Variants in HCN4 observed in about 807,000 individuals in gnomAD.
HCN4 encodes potassium/sodium hyperpolarization-activated cyclic nucleotide-gated channel 4.
Under a neutral mutation model 76.9 loss-of-function variants are expected in HCN4, and 29 were observed. That is an observed-to-expected ratio of 0.38 (90% CI 0.28 to 0.51). The LOEUF is 0.51. Among genes scored for constraint, HCN4 ranks in the 20% least tolerant of loss-of-function variants. The pLI, the probability that HCN4 is intolerant of heterozygous loss-of-function variation, is 0.90. For synonymous variants in HCN4, 772 were observed against 762.5 expected (o/e 1.01, Z -0.21); for missense variants, 1,416 against 1,715.2 (o/e 0.83, Z 3.08).
chr15:73,337,280 G>A (rs1380349813), intron 2 of HCN4, among the ~76,000 whole-genome samples: 6 of 152,228 alleles, frequency 3.9e-5, no homozygotes, highest in East Asian at 3.8e-4. Flanking sequence ...GCTGCTGCAC[G>A]AGGCAGGGCT....
chr15:73,347,770 GAT>G (rs1406224086), intron 1 of HCN4, among the ~76,000 whole-genome samples: 1 of 152,168 alleles, frequency 6.6e-6, no homozygotes, highest in African/African-American at 2.4e-5. Flanking sequence ...GTCAGGCTCA[GAT>G]ATCCTGGAGT....
Position 73,343,593 on chromosome 15 carries a change from T to C in HCN4, c.1001A>G (p.Lys334Arg). 3 of 1,614,134 alleles carry C rather than the reference T, an allele frequency of 1.9e-6. No homozygotes were observed. The highest frequency in any genetic ancestry group is 2.5e-6 in the Non-Finnish European group (3 of 1,180,036). ...TEIILDPQRIKMKYLKSWFMV... is the reference protein window; with the variant it reads ...TEIILDPQRIRMKYLKSWFMV... ...GAACCAGCTTTTCAGGTACTTCATTTTAATCCGCTGCGGGTCCAGGATGAT... is the reference window on the plus strand; with the variant it reads ...GAACCAGCTTTTCAGGTACTTCATTCTAATCCGCTGCGGGTCCAGGATGAT... The change falls in exon 2 of 8, where the codon AAA becomes AGA. Residue 334 changes from lysine (K) to arginine (R), a missense_variant. Around this residue, in one of 6 missense-constraint regions of HCN4, gnomAD observed 23 missense variants for 19.1 expected, o/e 1.21. Coordinates refer to ENST00000261917, the MANE Select transcript of HCN4 (RefSeq NM_005477.3). The surrounding 1 kb of genome is among the most constrained non-coding windows in gnomAD (Gnocchi z 5.7).
At chr15:73,351,613 A>G (rs1303272953) in intron 1 of HCN4, among the ~76,000 whole-genome samples, 1 of 152,152 alleles carries the variant, frequency 6.6e-6, no homozygotes, top group Non-Finnish European at 1.5e-5. Flanking sequence ...GGACTACTCC[A>G]ACAGCTTCCC....
In HCN4 at chr15:73,322,562, C is replaced by A. The variant is rs375911378; in HGVS notation, c.3531G>T (p.Gly1177=). The A allele has an allele frequency of 1.4e-4, 219 of 1,606,778 alleles. No homozygotes were observed. The highest frequency in any genetic ancestry group is 1.8e-4 in the Non-Finnish European group (208 of 1,176,924). The change falls in exon 8 of 8, where the codon GGG becomes GGT. Residue 1177 remains glycine (G), a synonymous_variant. Transcript: ENST00000261917. ...TCTGGGGTCCAGCAGTCAGAGGGGG[C>A]CCCCCAGAAGAGGTGGCTCTTGCCC... ...LFGARATSSG[G]PPLTAGPQRE... is the part of the protein sequence containing the mutation.
Position 73,323,059 on chromosome 15 carries a change from C to G in HCN4, c.3034G>C (p.Gly1012Arg), listed in dbSNP as rs766728086. ...GTAAAGCCTACAGGGGAAGCCCCCC[C>G]AGAGGCCCCTGCCACAAGGGACGGC... ...EPPSLVAGASGGASPVGFTPR... is the reference protein window; with the variant it reads ...EPPSLVAGASRGASPVGFTPR... The change falls in exon 8 of 8, where the codon GGG becomes CGG. Residue 1012 changes from glycine to arginine, a missense_variant. Physicochemically the swap from Gly to Arg is moderately radical, Grantham distance 125. Transcript: ENST00000261917. 1 of 1,536,684 alleles carries G rather than the reference C, an allele frequency of 6.5e-7. No homozygotes were observed. The highest frequency in any genetic ancestry group is 8.7e-7 in the Non-Finnish European group (1 of 1,147,488).
intron 2 of HCN4, among the ~76,000 whole-genome samples, chr15:73,338,140 G>A (rs935494392): frequency 2.0e-5 from 3 of 152,218 alleles, no homozygotes; most frequent in African/African-American, 4.8e-5. Context: ...TGGTTGCCGA[G>A]AACAAGGCTG....
At chr15:73,366,690 C>T (rs2043129786) in intron 1 of HCN4, among the ~76,000 whole-genome samples, 1 of 152,176 alleles carries the variant, frequency 6.6e-6, no homozygotes, top group African/African-American at 2.4e-5. Context: ...GGCAGTCATA[C>T]CTTGTTTGGG....
At chr15:73,364,909 C>A (rs2043121900) in intron 1 of HCN4, among the ~76,000 whole-genome samples, 2 of 152,270 alleles carry the variant, frequency 1.3e-5, no homozygotes, top group South Asian at 2.1e-4. Flanking sequence ...CTCCAAACCG[C>A]AAACTCAATC....
At chr15:73,341,863 A>C (rs1282037417) in intron 2 of HCN4, among the ~76,000 whole-genome samples, 2 of 152,190 alleles carry the variant, frequency 1.3e-5, no homozygotes, top group Non-Finnish European at 2.9e-5. Flanking sequence ...GACGCCTCTG[A>C]CCATCAGCCA....
chr15:73,336,819 A>G (rs560857081), intron 2 of HCN4, among the ~76,000 whole-genome samples: 33 of 152,148 alleles, frequency 2.2e-4, no homozygotes, highest in South Asian at 1.0e-3. Flanking sequence ...CCAAGCAGCT[A>G]GAAAGACCTC....
chr15:73,342,069 G>A (rs1244498787), intron 2 of HCN4, among the ~76,000 whole-genome samples: 2 of 152,200 alleles, frequency 1.3e-5, no homozygotes, highest in Non-Finnish European at 2.9e-5. Context: ...ATCCAAGGTG[G>A]GCTGTCTCAC....
At chr15:73,334,892 G>A (rs1201272836) in intron 2 of HCN4, among the ~76,000 whole-genome samples, 1 of 152,038 alleles carries the variant, frequency 6.6e-6, no homozygotes, top group African/African-American at 2.4e-5. Flanking sequence ...CCTAACCCTC[G>A]AGGTGATGGC....
chr15:73,364,110 C>T (rs1023465630), intron 1 of HCN4, among the ~76,000 whole-genome samples: 2 of 152,176 alleles, frequency 1.3e-5, no homozygotes, highest in Admixed American at 1.3e-4. Context: ...TTCCCTTCCT[C>T]ATGGCTTCAG....
chr15:73,340,539 T>G (rs2042995063), intron 2 of HCN4, among the ~76,000 whole-genome samples: 1 of 152,152 alleles, frequency 6.6e-6, no homozygotes, highest in Non-Finnish European at 1.5e-5. Flanking sequence ...GCCTCCATCT[T>G]TCCTTCACAG....
intron 2 of HCN4, among the ~76,000 whole-genome samples, chr15:73,333,743 C>A (rs2042946842): frequency 6.6e-6 from 1 of 152,160 alleles, no homozygotes; most frequent in Non-Finnish European, 1.5e-5. Context: ...ACAGAGGGGA[C>A]AATAGTGCCA....
In HCN4 at chr15:73,322,760, C is replaced by A; in HGVS notation, c.3333G>T (p.Glu1111Asp). ...GGAAGAGCGGGAAGGCAGCCATGGA[C>A]TCCCCTGAGGAGTGCGGGGAGGCTC... is the stretch of plus-strand genomic sequence containing the variant. Reference protein sequence around the residue: ...LRRASPHSSGESMAAFPLFPR... With the variant: ...LRRASPHSSGDSMAAFPLFPR... Residue 1111 changes from glutamate (E) to aspartate (D), a missense_variant, in exon 8 of 8, where the codon GAG (glutamate) becomes GAT (aspartate). Glu to Asp is a conservative substitution (Grantham distance 45, BLOSUM62 2). Transcript: ENST00000261917. 1 of 1,563,412 alleles carries A rather than the reference C, an allele frequency of 6.4e-7. No individual in the cohort carries two copies. Among genetic ancestry groups the A allele is most frequent in the South Asian group, 1.2e-5 (1 of 85,112 alleles).
In HCN4 at chr15:73,323,738, G is replaced by A. The variant is rs554689537; in HGVS notation, c.2355C>T (p.Ala785=). 63 of 1,604,584 alleles carry A rather than the reference G, an allele frequency of 3.9e-5. No individual in the cohort carries two copies. Among genetic ancestry groups the A allele is most frequent in the Non-Finnish European group, 4.4e-5 (52 of 1,175,728 alleles). The change falls in exon 8 of 8, where the codon GCC becomes GCT. Residue 785 remains alanine, a synonymous_variant. Transcript: ENST00000261917. ...TPLIQAPLQA[A]AATTSVAIAL... ...CTATGGCCACAGAAGTGGTGGCAGC[G>A]GCAGCCTGCAGTGGTGCCTGGATCA...
intron 2 of HCN4, among the ~76,000 whole-genome samples, chr15:73,334,666 C>A (rs1239171839): frequency 6.6e-6 from 1 of 152,026 alleles, no homozygotes. Flanking sequence ...ATCCTCCACA[C>A]CTGCCTCCCC....
Position 73,325,049 on chromosome 15 carries a change from A to G in HCN4, c.1884T>C (p.Ile628=), listed in dbSNP as rs1453657070. ...PGDYIIREGT[I]GKKMYFIQHG... is the part of the protein sequence containing the mutation. ...GCTGGATGAAGTACATCTTCTTGCC[A>G]ATGGTGCCTTCCCGGATGATGTAGT... The change falls in exon 6 of 8, where the codon ATT becomes ATC. Residue 628 remains isoleucine (I), a synonymous_variant. Transcript: ENST00000261917. This position sits in a 1 kb window ranked among gnomAD's most constrained non-coding sequence, Gnocchi z 7.4. 1.9e-6 allele frequency: 3 copies of G among 1,614,070 alleles called. No homozygotes were observed. The highest frequency in any genetic ancestry group is 1.3e-5 in the African/African-American group (1 of 74,924).
Sources: allele counts gnomAD v4.1 joint callset (sites outside exome capture counted in the v4.1 genomes callset), GRCh38; gene constraint gnomAD v4.1.1; regional missense constraint gnomAD v4.1.1; non-coding constraint Gnocchi (gnomAD v3.1); transcripts MANE v1.5; gene names NCBI Gene and HGNC (gene_info 2026-07-23, HGNC 2026-07-21).